The following GALNT14 variants were observed in gnomAD, a reference collection of about 807,000 sequenced individuals.
GALNT14 encodes the protein polypeptide N-acetylgalactosaminyltransferase 14.
In GALNT14, 60 loss-of-function variants were observed where a neutral mutation model predicts 77.5. That is an observed-to-expected ratio of 0.77 (90% confidence interval 0.63 to 0.96). The LOEUF (loss-of-function observed/expected upper bound fraction) is 0.96, where lower values mean the gene tolerates loss of function less well. Among genes scored for constraint, GALNT14 ranks in the 40% least tolerant of loss-of-function variants. GALNT14 has a pLI of 0.00. For synonymous variants in GALNT14, 280 were observed against 281.7 expected, an observed-to-expected ratio of 0.99 and a Z score of 0.06; for missense variants, 710 against 731.0, an observed-to-expected ratio of 0.97 and a Z score of 0.33.
chr2:30,951,989 G>A lies in GALNT14; in HGVS notation c.654+3629C>T, dbSNP rs540826934. On this transcript the variant is annotated intron_variant, in intron 6 of 14. Transcript: ENST00000349752. ...AGAAGTGCCAAGTGTGCACTGCACCGTGCCCTGGACCTCAGCCCCTCATTT... is the reference window on the plus strand; with the variant it reads ...AGAAGTGCCAAGTGTGCACTGCACCATGCCCTGGACCTCAGCCCCTCATTT... Among the ~76,000 whole-genome samples, 54 of 152,298 alleles carry A rather than the reference G, an allele frequency of 3.5e-4. No homozygotes were observed. The South Asian group carries it at 4.4e-3, about 12-fold the overall frequency.
intron 9 of GALNT14, among the ~76,000 whole-genome samples, chr2:30,940,420 C>A (rs1240896313): frequency 6.6e-6 from 1 of 152,180 alleles, no homozygotes; most frequent in African/African-American, 2.4e-5. Flanking sequence ...GCACTACAAG[C>A]CCTGACAGAC....
intron 1 of GALNT14, among the ~76,000 whole-genome samples, chr2:31,079,847 T>C (rs1991104): frequency 0.6 from 91,309 of 151,984 alleles, 28,262 homozygotes; most frequent in African/African-American, 0.76. Context: ...GCCCCTACTG[T>C]GGCTACTCCC....
intron 6 of GALNT14, among the ~76,000 whole-genome samples, chr2:30,950,839 G>A (rs980134921): frequency 6.6e-6 from 1 of 152,200 alleles, no homozygotes; most frequent in African/African-American, 2.4e-5. Context: ...GGCTTTGCCC[G>A]ACCAGCAGGT....
In GALNT14 at chr2:31,055,236, A is replaced by G. The variant is rs573730926; in HGVS notation, c.130-62229T>C. ...ATGCTGGCAATCTTCAGAAGCACTA[A>G]TGAAGATCTGGAAAGTGTAAACCCA... is the stretch of plus-strand genomic sequence containing the variant. On this transcript the variant is annotated intron_variant, in intron 1 of 14. Transcript: ENST00000349752. 8.5e-4 allele frequency among the ~76,000 whole-genome samples: 129 copies of G among 152,346 alleles called. 1 individual carries two copies. The highest frequency in any genetic ancestry group is 2.6e-3 in the African/African-American group (109 of 41,586).
Position 31,093,086 on chromosome 2 carries a change from A to G in GALNT14, c.129+44872T>C, listed in dbSNP as rs775081371. Among the ~76,000 whole-genome samples, 8 of 152,172 alleles carry G rather than the reference A, an allele frequency of 5.3e-5. 1 individual carries two copies. The South Asian group carries it at 6.2e-4, about 12-fold the overall frequency. ...TTACCTAAGAACTTGAGAGCAGATCAGGGTGAGAATGAGAGAGAGGACAGG... is the reference window on the plus strand; with the variant it reads ...TTACCTAAGAACTTGAGAGCAGATCGGGGTGAGAATGAGAGAGAGGACAGG... On this transcript the variant is annotated intron_variant, in intron 1 of 14. Transcript: ENST00000349752.
chr2:31,031,329 A>T (rs1672397818), intron 1 of GALNT14, among the ~76,000 whole-genome samples: 1 of 152,146 alleles, frequency 6.6e-6, no homozygotes, highest in Non-Finnish European at 1.5e-5. Flanking sequence ...GGGGAACTTT[A>T]TAAAAGAAAG....
chr2:31,005,274 G>C (rs1015418828), intron 1 of GALNT14, among the ~76,000 whole-genome samples: 1 of 152,188 alleles, frequency 6.6e-6, no homozygotes, highest in Admixed American at 6.5e-5. Context: ...TTGTGTGTGT[G>C]GGGGTGGGGA....
rs551203939 is a variant in GALNT14 at position 31,057,259 on chromosome 2, T to C, written c.130-64252A>G. Among the ~76,000 whole-genome samples the C allele has an allele frequency of 6.1e-4, 91 of 148,928 alleles. 1 individual carries two copies. Among genetic ancestry groups the C allele is most frequent in the African/African-American group, 2.2e-3 (89 of 40,614 alleles). On this transcript the variant is annotated intron_variant, in intron 1 of 14. Transcript: ENST00000349752. ...CACAATATACTCCATGCAGCAAACC[T>C]GCACATGTGCCCTATGAATCTAAAA...
chr2:31,107,660 C>G (rs927028375), intron 1 of GALNT14, among the ~76,000 whole-genome samples: 1 of 152,188 alleles, frequency 6.6e-6, no homozygotes, highest in African/African-American at 2.4e-5. Flanking sequence ...CGAGTCACCT[C>G]TTGAGACTCA....
chr2:31,052,409 G>A (rs909536140), intron 1 of GALNT14, among the ~76,000 whole-genome samples: 3 of 152,218 alleles, frequency 2.0e-5, no homozygotes, highest in Non-Finnish European at 2.9e-5. Context: ...ATACCCTAGA[G>A]GTCAAACAAC....
chr2:31,120,937 C>T (rs1678380702), intron 1 of GALNT14, among the ~76,000 whole-genome samples: 1 of 152,194 alleles, frequency 6.6e-6, no homozygotes, highest in Non-Finnish European at 1.5e-5. Context: ...TAGGACCATT[C>T]CTGGTTTAGT....
At chr2:31,073,671 G>A (rs1248136897) in intron 1 of GALNT14, among the ~76,000 whole-genome samples, 1 of 152,158 alleles carries the variant, frequency 6.6e-6, no homozygotes, top group Non-Finnish European at 1.5e-5. Flanking sequence ...TGAGGTCAGG[G>A]TGGCAGGGAA....
intron 1 of GALNT14, among the ~76,000 whole-genome samples, chr2:31,116,880 A>T (rs138580094): frequency 6.6e-6 from 1 of 152,198 alleles, no homozygotes; most frequent in African/African-American, 2.4e-5. Flanking sequence ...CTCTACTAAA[A>T]ATACAAAATT....
In GALNT14 at chr2:30,992,928, C is replaced by T. The variant is rs937404807; in HGVS notation, c.209G>A (p.Gly70Asp). 5.0e-6 allele frequency: 8 copies of T among 1,614,066 alleles called. No individual in the cohort carries two copies. Among genetic ancestry groups the T allele is most frequent in the Admixed American group, 1.7e-5 (1 of 59,998 alleles). ...RYLNAKKWRV[G>D]DDPYKLYAFN... ...AGCATACAGCTTATAGGGGTCGTCA[C>T]CAACGCGCCACTTTTTGGCATTCAG... Residue 70 changes from glycine (G) to aspartate (D), a missense_variant, in exon 2 of 15, where the codon GGT becomes GAT. Gly to Asp is a moderately conservative substitution (Grantham distance 94, BLOSUM62 -1). Coordinates refer to ENST00000349752, the MANE Select transcript of GALNT14 (RefSeq NM_024572.4).
chr2:30,899,094 T>C, the GALNT14 span, among the ~76,000 whole-genome samples: 1 of 152,334 alleles, frequency 6.6e-6, no homozygotes, highest in South Asian at 2.1e-4. Context: ...AGAACAGCTT[T>C]TGGAAAGAGC....
At chr2:31,032,791 G>T (rs1472343880) in intron 1 of GALNT14, among the ~76,000 whole-genome samples, 1 of 152,202 alleles carries the variant, frequency 6.6e-6, no homozygotes, top group Non-Finnish European at 1.5e-5. Context: ...AAGAGTAGAA[G>T]ATGTGATGTG....
At chr2:31,029,851 A>T (rs900326782) in intron 1 of GALNT14, among the ~76,000 whole-genome samples, 3 of 152,202 alleles carry the variant, frequency 2.0e-5, no homozygotes, top group Non-Finnish European at 4.4e-5. Flanking sequence ...TATATTTTGT[A>T]TATTTGTTAC....
At chr2:30,921,870 A>G (rs949604120) in intron 13 of GALNT14, among the ~76,000 whole-genome samples, 9 of 152,262 alleles carry the variant, frequency 5.9e-5, no homozygotes, top group African/African-American at 2.2e-4. Flanking sequence ...GGCAGAGGCT[A>G]GGGATGCTGC....
At chr2:31,076,631 T>TATATATA (rs1558551969) in intron 1 of GALNT14, among the ~76,000 whole-genome samples, 9 of 112,696 alleles carry the variant, frequency 8.0e-5, no homozygotes, top group Non-Finnish European at 1.1e-4. Flanking sequence ...ATATATATAT[T>TATATATA]TTTTTTTTTT....
Sources: allele counts gnomAD v4.1 joint callset (sites outside exome capture counted in the v4.1 genomes callset), GRCh38; gene constraint gnomAD v4.1.1; transcripts MANE v1.5; gene names NCBI Gene and HGNC (gene_info 2026-07-23, HGNC 2026-07-21).